LINGO2: variants seen among roughly 807,000 people sequenced by gnomAD.
LINGO2 encodes the protein leucine-rich repeat and immunoglobulin-like domain-containing nogo receptor-interacting protein 2.
Under a neutral mutation model 30.6 loss-of-function variants are expected in LINGO2, and 14 were observed. That is an observed-to-expected ratio of 0.46 (90% CI 0.30 to 0.72). LINGO2 has a LOEUF of 0.72. LINGO2 is among the 30% of genes least tolerant of loss of function. The probability of loss-of-function intolerance (pLI) is 0.07; values close to 1 mark genes in which losing one functional copy is unlikely to be tolerated. For missense variants in LINGO2, 729 were observed against 751.7 expected (o/e 0.97, Z 0.35); for synonymous variants, 317 against 288.5 (o/e 1.10, Z -1.00).
At chr9:28,118,379 C>T (rs1427626900) in intron 4 of LINGO2, among the ~76,000 whole-genome samples, 1 of 152,100 alleles carries the variant, frequency 6.6e-6, no homozygotes, top group African/African-American at 2.4e-5. Context: ...AAGCCATATC[C>T]AGTTGTCTCC....
intron 4 of LINGO2, among the ~76,000 whole-genome samples, chr9:28,075,222 G>T (rs1381269786): frequency 6.6e-6 from 1 of 151,768 alleles, no homozygotes; most frequent in Non-Finnish European, 1.5e-5. Flanking sequence ...CAAAGCATAG[G>T]TATTATTCTT....
chr9:29,076,225 G>A, the LINGO2 span, among the ~76,000 whole-genome samples: 1 of 151,852 alleles, frequency 6.6e-6, no homozygotes, highest in African/African-American at 2.4e-5. Flanking sequence ...ACTTGACTAA[G>A]TATATCTAAG....
intron 4 of LINGO2, among the ~76,000 whole-genome samples, chr9:28,233,582 ACTT>A (rs1214126935): frequency 6.6e-6 from 1 of 152,218 alleles, no homozygotes; most frequent in Admixed American, 6.5e-5. Flanking sequence ...CTTCAAAGTA[ACTT>A]CTTTTTAATT....
the LINGO2 span, among the ~76,000 whole-genome samples, chr9:29,109,591 C>T: frequency 6.6e-6 from 1 of 152,088 alleles, no homozygotes; most frequent in Admixed American, 6.5e-5. Context: ...ATTCCACAAA[C>T]AATTCAATAT....
chr9:28,750,427 C>T, the LINGO2 span, among the ~76,000 whole-genome samples: 5 of 152,046 alleles, frequency 3.3e-5, no homozygotes, highest in African/African-American at 9.7e-5. Flanking sequence ...GAGGAAACTG[C>T]TATGAAAATA....
At chr9:29,117,661 AATGCTATCAGCCAAC>A in the LINGO2 span, among the ~76,000 whole-genome samples, 15 of 152,308 alleles carry the variant, frequency 9.8e-5, no homozygotes, top group South Asian at 3.1e-3. Flanking sequence ...TCAGCTAGAA[AATGCTATCAGCCAAC>A]ATTCTACAGC....
At chr9:28,773,221 C>T in the LINGO2 span, among the ~76,000 whole-genome samples, 2 of 151,740 alleles carry the variant, frequency 1.3e-5, no homozygotes, top group Admixed American at 6.6e-5. Flanking sequence ...AAAAATTAGC[C>T]GGGTGTAGTG....
At chr9:29,182,447 T>A in the LINGO2 span, among the ~76,000 whole-genome samples, 2 of 151,790 alleles carry the variant, frequency 1.3e-5, no homozygotes, top group Non-Finnish European at 2.9e-5. Flanking sequence ...GAAAAAAAAA[T>A]TAAGTTGAGA....
intron 1 of LINGO2, among the ~76,000 whole-genome samples, chr9:28,513,125 ACT>A (rs1272740960): frequency 2.9e-5 from 4 of 140,306 alleles, no homozygotes; most frequent in Non-Finnish European, 6.3e-5. Context: ...ACACACACAC[ACT>A]TAGAAAATAT....
chr9:28,046,380 C>T lies in LINGO2; in HGVS notation c.-86-33975G>A, dbSNP rs75122092. Among the ~76,000 whole-genome samples the T allele has an allele frequency of 2.2e-3, 332 of 152,282 alleles. 1 individual carries two copies. The highest frequency in any genetic ancestry group is 7.7e-3 in the African/African-American group (320 of 41,578). ...GATTCAGACTGGTGGACCCCACCCT[C>T]ACTTTCCGATTCAGTAGTCCGGAAT... On this transcript the variant is annotated intron_variant, in intron 4 of 5. Transcript: ENST00000379992.
chr9:28,737,917 A>G, the LINGO2 span, among the ~76,000 whole-genome samples: 11 of 152,112 alleles, frequency 7.2e-5, no homozygotes, highest in Non-Finnish European at 1.3e-4. Context: ...TTATGGATAT[A>G]TTCTTTAATG....
chr9:28,561,751 A>ATG, intron 1 of LINGO2, among the ~76,000 whole-genome samples: 1 of 45,866 alleles, frequency 2.2e-5, no homozygotes, highest in African/African-American at 1.2e-4. Flanking sequence ...GTGTGTGTGT[A>ATG]TATATATATA....
At chr9:28,006,319 T>C (rs1000456540) in intron 5 of LINGO2, among the ~76,000 whole-genome samples, 2 of 106,602 alleles carry the variant, frequency 1.9e-5, no homozygotes, top group Non-Finnish European at 4.1e-5. Flanking sequence ...AAAGAAGAAA[T>C]CCTTACCTAA....
intron 4 of LINGO2, among the ~76,000 whole-genome samples, chr9:28,082,338 C>G (rs1238762786): frequency 2.6e-5 from 4 of 152,078 alleles, no homozygotes; most frequent in East Asian, 1.9e-4. Context: ...TGTGCCTAAA[C>G]TCAGTACAAA....
intron 4 of LINGO2, among the ~76,000 whole-genome samples, chr9:28,293,683 T>C (rs10968453): frequency 0.074 from 11,298 of 152,120 alleles, 1,366 homozygotes; most frequent in African/African-American, 0.26. Context: ...AATGTTAACG[T>C]CTCCAAAAAA....
intron 4 of LINGO2, among the ~76,000 whole-genome samples, chr9:28,100,725 G>T (rs1180531698): frequency 6.6e-6 from 1 of 152,090 alleles, no homozygotes; most frequent in African/African-American, 2.4e-5. Context: ...AGGGATTATT[G>T]CTTCCCATCC....
intron 3 of LINGO2, among the ~76,000 whole-genome samples, chr9:28,353,693 C>T (rs1283126989): frequency 6.6e-6 from 1 of 152,110 alleles, no homozygotes; most frequent in Non-Finnish European, 1.5e-5. Flanking sequence ...GCTATAAAGA[C>T]ACATGCACAC....
chr9:28,769,508 ATATATATATATTTTTTTTTTTTTTTT>A, the LINGO2 span, among the ~76,000 whole-genome samples: 18 of 2,834 alleles, frequency 6.4e-3, 1 homozygote, highest in Non-Finnish European at 7.4e-3. Flanking sequence ...ATATATATAT[ATATATATATATTTTTTTTTTTTTTTT>A]TTTTTTTTTT....
At chr9:29,092,459 A>C in the LINGO2 span, among the ~76,000 whole-genome samples, 2 of 152,096 alleles carry the variant, frequency 1.3e-5, no homozygotes. Context: ...AACCAAGTAC[A>C]AAATGAAATT....
Sources: allele counts gnomAD v4.1 joint callset (sites outside exome capture counted in the v4.1 genomes callset), GRCh38; gene constraint gnomAD v4.1.1; transcripts MANE v1.5; gene names NCBI Gene and HGNC (gene_info 2026-07-23, HGNC 2026-07-21).